The following CHID1 variants were observed in gnomAD, a reference collection of about 807,000 sequenced individuals.
CHID1 encodes chitinase domain containing 1.
In CHID1, 44 loss-of-function variants were observed where a neutral mutation model predicts 55.4. The observed-to-expected ratio is 0.79, with a 90% confidence interval of 0.62 to 1.02. The LOEUF (loss-of-function observed/expected upper bound fraction) is 1.02, where lower values mean the gene tolerates loss of function less well. Among genes scored for constraint, CHID1 ranks in the 50% least tolerant of loss-of-function variants. CHID1 has a pLI of 0.00. For missense variants in CHID1, 491 were observed against 515.3 expected (o/e 0.95, Z 0.46); for synonymous variants, 216 against 212.9 (o/e 1.01, Z -0.13).
At chr11:900,492 C>T (rs929359672) in intron 5 of CHID1, among the ~76,000 whole-genome samples, 1 of 152,190 alleles carries the variant, frequency 6.6e-6, no homozygotes, top group South Asian at 2.1e-4. Context: ...AACTTGTGCT[C>T]TTAATCCACT....
intron 10 of CHID1, among the ~76,000 whole-genome samples, chr11:873,166 G>T (rs1357747511): frequency 6.6e-6 from 1 of 152,166 alleles, no homozygotes; most frequent in Non-Finnish European, 1.5e-5. Context: ...TCCTGGGGAG[G>T]GAAGGTGGGG....
At chr11:902,896 C>G in intron 3 of CHID1, 66 bp downstream of exon 3, 1 of 1,506,290 alleles carries the variant, frequency 6.6e-7, no homozygotes, top group Non-Finnish European at 9.1e-7. Context: ...AAGAGGCCAT[C>G]ACGGGGCCAG....
intron 7 of CHID1, among the ~76,000 whole-genome samples, chr11:897,974 G>T (rs1471509167): frequency 6.6e-6 from 1 of 152,204 alleles, no homozygotes; most frequent in Non-Finnish European, 1.5e-5. Flanking sequence ...GGGCCTGGGA[G>T]CAGTTCCGGG....
chr11:871,039 G>A (rs1039697555), intron 10 of CHID1, among the ~76,000 whole-genome samples: 1 of 150,876 alleles, frequency 6.6e-6, no homozygotes, highest in African/African-American at 2.4e-5. Context: ...CGCCCAGGCT[G>A]GTGTACAGTC....
chr11:882,880 G>C (rs528162110), intron 10 of CHID1: 1 of 406,842 alleles, frequency 2.5e-6, no homozygotes, highest in Admixed American at 4.1e-5. Context: ...CAAGGCTGAC[G>C]GGTGGGGGAA....
chr11:880,643 G>A (rs1849848577), intron 10 of CHID1, among the ~76,000 whole-genome samples: 1 of 152,194 alleles, frequency 6.6e-6, no homozygotes, highest in Non-Finnish European at 1.5e-5. Flanking sequence ...AAATCCAGCA[G>A]GTTACCTCTG....
At chr11:911,491 C>G (rs1358580703), upstream of CHID1, 1 of 152,152 alleles carries the variant, frequency 6.6e-6, no homozygotes, top group Non-Finnish European at 1.5e-5. Flanking sequence ...GACCCCCACC[C>G]CCAGCCCTAG....
At chr11:884,743 C>G (rs558751574) in intron 8 of CHID1, among the ~76,000 whole-genome samples, 1 of 152,230 alleles carries the variant, frequency 6.6e-6, no homozygotes, top group Non-Finnish European at 1.5e-5. Flanking sequence ...GGCACATTCC[C>G]CAGCATGGGG....
chr11:885,751 T>TG (rs1850343984), intron 8 of CHID1, among the ~76,000 whole-genome samples: 2 of 152,148 alleles, frequency 1.3e-5, no homozygotes, highest in Admixed American at 1.3e-4. Context: ...ATTTCTGAGA[T>TG]GGGGTCTCTA....
At chr11:870,252 C>T (rs1849075126) in intron 11 of CHID1, 89 bp from the exon 12 acceptor site, 1 of 1,563,726 alleles carries the variant, frequency 6.4e-7, no homozygotes. Flanking sequence ...TGTACTCCTC[C>T]CACCCACCAG....
At chr11:915,144 G>C (rs191511736), upstream of CHID1, 2 of 152,882 alleles carry the variant, frequency 1.3e-5, no homozygotes, top group African/African-American at 4.8e-5. Flanking sequence ...GCAAGCAGGA[G>C]GGGGAAGTGG....
Position 902,948 on chromosome 11 carries a change from G to C in CHID1, c.261+14C>G. 17 of 1,611,872 alleles carry C rather than the reference G, an allele frequency of 1.1e-5. No homozygotes were observed. The highest frequency in any genetic ancestry group is 1.4e-5 in the Non-Finnish European group (17 of 1,178,398). On this transcript the variant is annotated intron_variant, in intron 3 of 12. Coordinates refer to ENST00000323578, the MANE Select transcript of CHID1 (RefSeq NM_023947.4). ...CTCAGGACCTCCCTCTGCACTGTGA[G>C]GGCCCCAACTTACTGGAGTGACATA...
At chr11:899,187 A>G (rs945745922) in intron 7 of CHID1, among the ~76,000 whole-genome samples, 153 bp downstream of exon 7, 1 of 152,170 alleles carries the variant, frequency 6.6e-6, no homozygotes, top group Non-Finnish European at 1.5e-5. Context: ...CACTTCTCTG[A>G]GCAGGTGTCC....
intron 10 of CHID1, among the ~76,000 whole-genome samples, chr11:880,276 T>C (rs1849813937): frequency 6.6e-6 from 1 of 152,200 alleles, no homozygotes; most frequent in Non-Finnish European, 1.5e-5. Flanking sequence ...TCGCCCCGCC[T>C]GATGCCCAGG....
At chr11:871,456 G>A (rs1849168415) in intron 10 of CHID1, among the ~76,000 whole-genome samples, 1 of 152,284 alleles carries the variant, frequency 6.6e-6, no homozygotes, top group African/African-American at 2.4e-5. Flanking sequence ...GGACACGACT[G>A]CGGCTTCCAG....
At chr11:889,934 T>A (rs960739575) in intron 8 of CHID1, among the ~76,000 whole-genome samples, 4 of 152,088 alleles carry the variant, frequency 2.6e-5, no homozygotes, top group Non-Finnish European at 5.9e-5. Context: ...CCGCTCCCCA[T>A]GGCCTTGGGT....
intron 8 of CHID1, among the ~76,000 whole-genome samples, chr11:892,736 C>T (rs1339823049): frequency 6.6e-6 from 1 of 152,192 alleles, no homozygotes; most frequent in Non-Finnish European, 1.5e-5. Flanking sequence ...CACTGATCAG[C>T]GGAGAGCCCT....
Position 906,983 on chromosome 11 carries a change from G to A in CHID1, c.-43-2124C>T, listed in dbSNP as rs574764167. The stretch of plus-strand genomic sequence containing the variant: ...GCAGAGGTTGCGGTAAGCCGAGATC[G>A]CGCAATTGCACTCCAGCCTAGGCAA... On this transcript the variant is annotated intron_variant, in intron 1 of 12. Coordinates refer to ENST00000323578, the MANE Select transcript of CHID1 (RefSeq NM_023947.4). Among the ~76,000 whole-genome samples the A allele has an allele frequency of 1.7e-4, 26 of 152,284 alleles. No individual in the cohort carries two copies. The South Asian group carries it at 5.0e-3, about 29-fold the overall frequency.
chr11:877,581 G>A lies in CHID1; in HGVS notation c.959+5567C>T, dbSNP rs182631144. Among the ~76,000 whole-genome samples, 46 of 152,326 alleles carry A rather than the reference G, an allele frequency of 3.0e-4. 1 individual carries two copies. In the East Asian group the frequency reaches 5.4e-3, roughly 18 times the overall value. ...CTTGTGTGACCTGACCCAGGCTCTT[G>A]TGCAGTGAGTGAGCCCTAACTCATC... On this transcript the variant is annotated intron_variant, in intron 10 of 12. Transcript: ENST00000323578.
Sources: allele counts gnomAD v4.1 joint callset (sites outside exome capture counted in the v4.1 genomes callset), GRCh38; gene constraint gnomAD v4.1.1; transcripts MANE v1.5; gene names NCBI Gene and HGNC (gene_info 2026-07-23, HGNC 2026-07-21).